NTRK3: variants seen among roughly 807,000 people sequenced by gnomAD.
NTRK3 encodes NT-3 growth factor receptor.
A neutral mutation model predicts 91.7 loss-of-function variants in NTRK3; 24 were observed. The ratio of observed to expected loss-of-function variants is 0.26; its 90% CI spans 0.19 to 0.37. The LOEUF is 0.37. NTRK3 is among the 10% of genes least tolerant of loss of function. The pLI is 1.00. For missense variants in NTRK3, 880 were observed against 1,068.9 expected, an observed-to-expected ratio of 0.82 and a Z score of 2.46; for synonymous variants, 483 against 404.0, an observed-to-expected ratio of 1.20 and a Z score of -2.34.
At position 88,137,367 on chromosome 15, in the gene NTRK3, C is replaced by T. The variant is rs755755363; in HGVS notation, c.622+37G>A. On this transcript the variant is annotated intron_variant, in intron 7 of 18. Coordinates refer to ENST00000394480, the Ensembl canonical transcript of NTRK3. ...CATCTCTGGTGTCTGAGGGATGCCT[C>T]CCTGGAGCCAGCTGGGCCAGGCGGC... 10 of 1,610,790 alleles carry T rather than the reference C, an allele frequency of 6.2e-6. No individual in the cohort carries two copies. The Admixed American group carries it at 8.3e-5, about 13-fold the overall frequency.
At chr15:88,059,197 G>A (rs1310614140) in intron 13 of NTRK3, among the ~76,000 whole-genome samples, 3 of 152,238 alleles carry the variant, frequency 2.0e-5, no homozygotes, top group East Asian at 1.9e-4. Flanking sequence ...ATGAGCACCC[G>A]ATATCAACAG....
chr15:88,176,920 A>G (rs2046051403), intron 5 of NTRK3, among the ~76,000 whole-genome samples: 1 of 152,246 alleles, frequency 6.6e-6, no homozygotes, highest in African/African-American at 2.4e-5. Flanking sequence ...TGTAAGGAGA[A>G]GGAAGGCCAC....
Position 87,872,266 on chromosome 15 carries a change from C to T in NTRK3, c.*4669G>A, listed in dbSNP as rs2064842040. 4 of 219,790 alleles carry T rather than the reference C, an allele frequency of 1.8e-5. No homozygotes were observed. The East Asian group carries it at 2.7e-4, about 15-fold the overall frequency. 13.6% of individuals were successfully genotyped at this position (219,790 alleles called of 1,614,324 possible). ...ACTAAAAAGACCCTTAATCTCAAGA[C>T]TGTCCATTGCAATCACTGTACTTTG... On this transcript the variant is annotated 3_prime_UTR_variant, in exon 19 of 19. Transcript: ENST00000394480.
At chr15:87,982,014 C>A (rs1386485834) in intron 14 of NTRK3, among the ~76,000 whole-genome samples, 1 of 152,160 alleles carries the variant, frequency 6.6e-6, no homozygotes, top group Non-Finnish European at 1.5e-5. Context: ...AGGATGAAAT[C>A]TCCTTTGGAG....
At chr15:88,098,860 G>T (rs897885527) in intron 13 of NTRK3, 1 of 232,770 alleles carries the variant, frequency 4.3e-6, no homozygotes, top group Non-Finnish European at 8.5e-6. Context: ...AATCAAGAGA[G>T]ATAATACTGT....
chr15:87,953,688 C>T (rs2071376043), intron 14 of NTRK3, among the ~76,000 whole-genome samples: 1 of 152,150 alleles, frequency 6.6e-6, no homozygotes, highest in Non-Finnish European at 1.5e-5. Flanking sequence ...CCACATCAAA[C>T]ACACTCAGGA....
At chr15:88,025,685 G>C (rs1037866190) in intron 14 of NTRK3, among the ~76,000 whole-genome samples, 1 of 152,184 alleles carries the variant, frequency 6.6e-6, no homozygotes, top group Non-Finnish European at 1.5e-5. Flanking sequence ...TCAACACCTT[G>C]ATTTCAGACT....
chr15:87,877,342 T>C (rs1657167812), intron 18 of NTRK3, among the ~76,000 whole-genome samples: 1 of 152,172 alleles, frequency 6.6e-6, no homozygotes, highest in Admixed American at 6.5e-5. Context: ...TCTGCTGCCC[T>C]TCATACTCCA....
intron 14 of NTRK3, among the ~76,000 whole-genome samples, chr15:88,031,590 G>A (rs1465474684): frequency 1.3e-5 from 2 of 152,290 alleles, no homozygotes; most frequent in Admixed American, 6.5e-5. Context: ...GATACTGACA[G>A]GGAGCATCTG....
At chr15:88,011,080 T>G (rs572702843) in intron 14 of NTRK3, among the ~76,000 whole-genome samples, 1 of 152,164 alleles carries the variant, frequency 6.6e-6, no homozygotes, top group Non-Finnish European at 1.5e-5. Flanking sequence ...TATTTTCTTA[T>G]CCAGTATTAT....
intron 13 of NTRK3, among the ~76,000 whole-genome samples, chr15:88,058,628 A>G (rs1412496233): frequency 1.3e-5 from 2 of 152,124 alleles, no homozygotes; most frequent in African/African-American, 4.8e-5. Flanking sequence ...CCCGTTCCTG[A>G]GAACAGAACT....
At chr15:88,048,292 T>G (rs938541973) in intron 13 of NTRK3, among the ~76,000 whole-genome samples, 2 of 152,150 alleles carry the variant, frequency 1.3e-5, no homozygotes, top group Non-Finnish European at 2.9e-5. Context: ...AGTGTCAGTA[T>G]CAATTTCATA....
chr15:88,234,047 A>G lies in NTRK3; in HGVS notation c.248+21859T>C, dbSNP rs1201638214. ...TCCCTTTCTGCCACCATGCACCTCG[A>G]TGCCTCTCGGGTGGGACCAAGCCTT... On this transcript the variant is annotated intron_variant, in intron 3 of 18. Transcript: ENST00000394480. This position sits in a 1 kb window ranked among gnomAD's most constrained non-coding sequence, Gnocchi z 6.1. Among the ~76,000 whole-genome samples the G allele has an allele frequency of 6.6e-6, 1 of 152,148 alleles. No homozygotes were observed. The highest frequency in any genetic ancestry group is 1.5e-5 in the Non-Finnish European group (1 of 68,022).
At chr15:88,018,190 G>A (rs1166629760) in intron 14 of NTRK3, among the ~76,000 whole-genome samples, 3 of 152,218 alleles carry the variant, frequency 2.0e-5, no homozygotes, top group Admixed American at 2.0e-4. Flanking sequence ...TGGGAGGCCT[G>A]CCTCATGGGG....
intron 14 of NTRK3, among the ~76,000 whole-genome samples, chr15:87,941,826 G>A (rs2069893159): frequency 6.6e-6 from 1 of 152,246 alleles, no homozygotes; most frequent in African/African-American, 2.4e-5. Context: ...AGTTGTACAA[G>A]CAGTGGGCTG....
At chr15:87,932,145 T>C (rs1164395838) in intron 16 of NTRK3, among the ~76,000 whole-genome samples, 1 of 152,214 alleles carries the variant, frequency 6.6e-6, no homozygotes, top group Non-Finnish European at 1.5e-5. Flanking sequence ...TGAAACTTCA[T>C]CCAGAACTTC....
chr15:88,074,496 C>G (rs1032307420), intron 13 of NTRK3, among the ~76,000 whole-genome samples: 1 of 152,234 alleles, frequency 6.6e-6, no homozygotes, highest in Non-Finnish European at 1.5e-5. Flanking sequence ...GAGTCCCTGT[C>G]TCTGACATCA....
At chr15:88,194,452 T>C (rs1477887141) in intron 3 of NTRK3, among the ~76,000 whole-genome samples, 2 of 152,228 alleles carry the variant, frequency 1.3e-5, no homozygotes, top group Non-Finnish European at 2.9e-5. Flanking sequence ...GTGAGCTGTC[T>C]CCATATCAAT....
intron 14 of NTRK3, among the ~76,000 whole-genome samples, chr15:88,016,520 T>A (rs2077243470): frequency 6.6e-6 from 1 of 152,220 alleles, no homozygotes; most frequent in Non-Finnish European, 1.5e-5. Context: ...CTAAGCTGTG[T>A]CAGAACTAAG....
Sources: gnomAD v4.1 joint callset for allele counts (sites outside exome capture counted in the v4.1 genomes callset) on GRCh38, gnomAD v4.1.1 for gene constraint, Gnocchi (gnomAD v3.1) non-coding constraint, MANE v1.5 for transcripts, NCBI Gene and HGNC (gene_info 2026-07-23, HGNC 2026-07-21) for gene names.